The following NSUN5 variants were observed in gnomAD, a reference collection of about 807,000 sequenced individuals.
The protein encoded by NSUN5 is 28S rRNA (cytosine-C(5))-methyltransferase.
NSUN5 carries 39 observed loss-of-function variants against 51.1 expected under a neutral mutation model. That is an observed-to-expected ratio of 0.76 (90% CI 0.59 to 1.00). The LOEUF (loss-of-function observed/expected upper bound fraction) is 1.00. Ranked by LOEUF, NSUN5 falls within the 50% of genes least tolerant of loss-of-function variation. NSUN5 has a pLI of 0.00. For synonymous variants in NSUN5, 266 were observed against 271.5 expected (o/e 0.98, Z 0.20); for missense variants, 526 against 614.0 (o/e 0.86, Z 1.51).
Position 73,303,204 on chromosome 7 carries a change from A to G in NSUN5, c.*211T>C, listed in dbSNP as rs1803871234. Reference sequence around the variant, plus strand: ...AGATTTTTCTCCTGCTTGTGACATTAAGAATAAAAAACTGTGATCTATCGT... The same window carrying G: ...AGATTTTTCTCCTGCTTGTGACATTGAGAATAAAAAACTGTGATCTATCGT... On this transcript the variant is annotated 3_prime_UTR_variant, in exon 10 of 10. Transcript: ENST00000438747. The G allele has an allele frequency of 6.7e-7, 1 of 1,485,262 alleles. No homozygotes were observed. Among genetic ancestry groups the G allele is most frequent in the Non-Finnish European group, 8.9e-7 (1 of 1,117,864 alleles). The allele number at this position is 1,485,262 out of a possible 1,614,324, so 92.0% of individuals were successfully genotyped here.
rs1554542037 is a variant in NSUN5 at position 73,307,575 on chromosome 7, C to T, written c.391+8G>A. 3 of 1,337,014 alleles carry T rather than the reference C, an allele frequency of 2.2e-6. No homozygotes were observed. Among genetic ancestry groups the T allele is most frequent in the South Asian group, 1.2e-5 (1 of 86,650 alleles). The allele number at this position is 1,337,014 out of a possible 1,614,324, so 82.8% of individuals were successfully genotyped here. On this transcript the variant is annotated splice_region_variant and intron_variant, in intron 3 of 9. Transcript: ENST00000438747. ...GCCTCCCCCACCCCCCAACTCCTTC[C>T]AGCTTACCTGGACCAGGCCTGGATC...
Position 73,303,837 on chromosome 7 carries a change from C to G in NSUN5, c.1134G>C (p.Pro378=). ...DVVRDALQQN[P]GAFRLAPALP... ...CGCCCGCCCTGTACCTGAAGGCGCC[C>G]GGGTTCTGCTGCAGCGCATCTCGCA... is the stretch of plus-strand genomic sequence containing the variant. Residue 378 remains proline, a synonymous_variant, in exon 8 of 10, where the codon CCG becomes CCC. Transcript: ENST00000438747. 1 of 1,613,818 alleles carries G rather than the reference C, an allele frequency of 6.2e-7. No homozygotes were observed. Among genetic ancestry groups the G allele is most frequent in the Non-Finnish European group, 8.5e-7 (1 of 1,179,876 alleles).
chr7:73,307,450 A>C lies in NSUN5; in HGVS notation c.444T>G (p.Asp148Glu). ...VRVNTLKTCSDDVVDYFKRQG... is the reference protein window; with the variant it reads ...VRVNTLKTCSEDVVDYFKRQG... The stretch of plus-strand genomic sequence containing the variant: ...GTCTCTTGAAATAATCAACTACATC[A>C]TCGGAGCAGGTCTTGAGAGTGTTCA... The change falls in exon 4 of 10, where the codon GAT (aspartate) becomes GAG (glutamate). Residue 148 changes from aspartate to glutamate, a missense_variant. Coordinates refer to ENST00000438747, the MANE Select transcript of NSUN5 (RefSeq NM_148956.4). 6.2e-7 allele frequency: 1 copy of C among 1,614,158 alleles called. No individual in the cohort carries two copies. Among genetic ancestry groups the C allele is most frequent in the Non-Finnish European group, 8.5e-7 (1 of 1,180,024 alleles).
Position 73,303,758 on chromosome 7 carries a change from C to T in NSUN5, c.1146-18G>A, listed in dbSNP as rs371339599. 6.8e-6 allele frequency: 11 copies of T among 1,613,820 alleles called. No individual in the cohort carries two copies. The African/African-American group carries it at 1.5e-4, about 22-fold the overall frequency. On this transcript the variant is annotated intron_variant, in intron 8 of 9. Coordinates refer to ENST00000438747, the MANE Select transcript of NSUN5 (RefSeq NM_148956.4). ...GAGCTAGCCTGCAAGAGAAACGGCC[C>T]CAATGCTGGGTAAGAGAGCAGCTCA...
At chr7:73,306,445 G>C (rs529600630) in intron 4 of NSUN5, among the ~76,000 whole-genome samples, 1 of 148,138 alleles carries the variant, frequency 6.8e-6, no homozygotes, top group Admixed American at 6.8e-5. Context: ...CATCAGATCT[G>C]GCTTTAGAGC....
At position 73,303,531 on chromosome 7, in the gene NSUN5, T is replaced by A; in HGVS notation, c.1287-2A>T. ...GATGCTTTGGCCTGTGAGGCTGAGC[T>A]AGAGAAGTGTAGATGTTAGATGTGC... is the stretch of plus-strand genomic sequence containing the variant. On this transcript the variant is annotated splice_acceptor_variant, in intron 9 of 9. Transcript: ENST00000438747. LOFTEE classifies it high-confidence loss of function. 6.2e-7 allele frequency: 1 copy of A among 1,614,162 alleles called. No homozygotes were observed. The highest frequency in any genetic ancestry group is 2.2e-5 in the East Asian group (1 of 44,860).
chr7:73,305,165 T>C, intron 4 of NSUN5, 68 bp from the exon 5 acceptor site: 3 of 1,566,246 alleles, frequency 1.9e-6, no homozygotes, highest in Admixed American at 1.8e-5. Flanking sequence ...CAACGGTCCA[T>C]TCATGCAACA....
At position 73,303,122 on chromosome 7, in the gene NSUN5, T is replaced by A; in HGVS notation, c.*293A>T. Reference sequence around the variant, plus strand: ...GGCAGCGGGAGGCTGGGACTTTCCATTACAAATAGAGACTTCATTCCTGTT... The same window carrying A: ...GGCAGCGGGAGGCTGGGACTTTCCAATACAAATAGAGACTTCATTCCTGTT... On this transcript the variant is annotated 3_prime_UTR_variant, in exon 10 of 10. Transcript: ENST00000438747. 7.0e-7 allele frequency: 1 copy of A among 1,431,714 alleles called. No individual in the cohort carries two copies. Among genetic ancestry groups the A allele is most frequent in the South Asian group, 1.5e-5 (1 of 65,986 alleles). 88.7% of individuals were successfully genotyped at this position (1,431,714 alleles called of 1,614,324 possible).
In NSUN5 at chr7:73,303,264, A is replaced by G. The variant is rs1228894398; in HGVS notation, c.*151T>C. The G allele has an allele frequency of 1.2e-5, 19 of 1,605,192 alleles. No individual in the cohort carries two copies. Among genetic ancestry groups the G allele is most frequent in the African/African-American group, 2.7e-5 (2 of 74,540 alleles). On this transcript the variant is annotated 3_prime_UTR_variant, in exon 10 of 10. Transcript: ENST00000438747. Reference sequence around the variant, plus strand: ...TCTGCATTTTATTTTTGCAGGCAACACTTTGCTCACCAGCAAGAACACAGC... The same window carrying G: ...TCTGCATTTTATTTTTGCAGGCAACGCTTTGCTCACCAGCAAGAACACAGC...
intron 8 of NSUN5, 38 bp downstream of exon 8, chr7:73,303,788 G>A (rs4030985): frequency 4.1e-5 from 66 of 1,613,550 alleles, no homozygotes; most frequent in African/African-American, 3.3e-4. Context: ...AGCTCACCCC[G>A]TCCCCCACTC....
chr7:73,308,785 C>T lies in NSUN5; in HGVS notation c.6G>A (p.Gly2=). ...ACACGCCTGCAGCTGCAGCATACAG[C>T]CCCATGTTCCCGCGCGCCTTTACGG... M[G]LYAAAAGVLA... is the part of the protein sequence containing the mutation. The change falls in exon 1 of 10, where the codon GGG becomes GGA. Residue 2 remains glycine, a synonymous_variant. Transcript: ENST00000438747. The T allele has an allele frequency of 1.9e-6, 3 of 1,612,890 alleles. No homozygotes were observed. The highest frequency in any genetic ancestry group is 2.5e-6 in the Non-Finnish European group (3 of 1,179,580).
At chr7:73,306,183 G>A (rs1433852489) in intron 4 of NSUN5, among the ~76,000 whole-genome samples, 20 of 150,268 alleles carry the variant, frequency 1.3e-4, no homozygotes, top group Admixed American at 9.9e-4. Context: ...CAGGAGCCTC[G>A]AGACCAGCCT....
Position 73,304,347 on chromosome 7 carries a change from G to A in NSUN5, c.817C>T (p.Arg273Trp), listed in dbSNP as rs782325636. 45 of 1,613,932 alleles carry A rather than the reference G, an allele frequency of 2.8e-5. No individual in the cohort carries two copies. Among genetic ancestry groups the A allele is most frequent in the African/African-American group, 1.1e-4 (8 of 74,908 alleles). Residue 273 changes from arginine to tryptophan, a missense_variant, in exon 7 of 10, where the codon CGG (arginine) becomes TGG (tryptophan). Coordinates refer to ENST00000438747, the MANE Select transcript of NSUN5 (RefSeq NM_148956.4). Reference sequence around the variant, plus strand: ...AGTTCACAGCAAGAGACGCCAGCCCGGGCCAGCAGCGTGGCCATGGATGCC... The same window carrying A: ...AGTTCACAGCAAGAGACGCCAGCCCAGGCCAGCAGCGTGGCCATGGATGCC... ...RLASMATLLA[R>W]AGVSCCELAE...
In NSUN5 at chr7:73,305,191, A is replaced by G. The variant is rs191267753; in HGVS notation, c.501-94T>C. On this transcript the variant is annotated intron_variant, in intron 4 of 9. Transcript: ENST00000438747. ...TCATGCAACAAATGTTACCACAGCT[A>G]TGGAGAAATCAACAGGGTGATAAGC... 3 of 1,485,904 alleles carry G rather than the reference A, an allele frequency of 2.0e-6. No homozygotes were observed. The East Asian group carries it at 7.3e-5, about 36-fold the overall frequency. The allele number at this position is 1,485,904 out of a possible 1,614,324, so 92.0% of individuals were successfully genotyped here.
At position 73,308,780 on chromosome 7, in the gene NSUN5, T is replaced by G; in HGVS notation, c.11A>C (p.Tyr4Ser). The change falls in exon 1 of 10, where the codon TAT becomes TCT. Residue 4 changes from tyrosine (Y) to serine (S), a missense_variant. Transcript: ENST00000438747. Reference sequence around the variant, plus strand: ...GGCCAACACGCCTGCAGCTGCAGCATACAGCCCCATGTTCCCGCGCGCCTT... The same window carrying G: ...GGCCAACACGCCTGCAGCTGCAGCAGACAGCCCCATGTTCCCGCGCGCCTT... MGLYAAAAGVLAGV... is the reference protein window; with the variant it reads MGLSAAAAGVLAGV... 1 of 1,613,108 alleles carries G rather than the reference T, an allele frequency of 6.2e-7. No homozygotes were observed. The highest frequency in any genetic ancestry group is 8.5e-7 in the Non-Finnish European group (1 of 1,179,784).
intron 8 of NSUN5, 36 bp downstream of exon 8, chr7:73,303,790 C>A: frequency 6.2e-7 from 1 of 1,613,728 alleles, no homozygotes; most frequent in Non-Finnish European, 8.5e-7. Flanking sequence ...CTCACCCCGT[C>A]CCCCACTCCC....
In NSUN5 at chr7:73,304,987, C is replaced by T. The variant is rs563841683; in HGVS notation, c.611G>A (p.Arg204Gln). Residue 204 changes from arginine to glutamine, a missense_variant, in exon 5 of 10, where the codon CGG (arginine) becomes CAG (glutamine). Transcript: ENST00000438747. ...QTDLHEHPLY[R>Q]AGHLILQDRA... ...GTCCTGCAGAATGAGGTGTCCGGCC[C>T]GGTACAGTGGGTGTTCATGCAGATC... 57 of 1,611,846 alleles carry T rather than the reference C, an allele frequency of 3.5e-5. No homozygotes were observed. The highest frequency in any genetic ancestry group is 1.8e-4 in the Middle Eastern group (1 of 5,642).
rs1803862335 is a variant in NSUN5, at chr7:73,302,964, CTG to C, written c.*449_*450del. On this transcript the variant is annotated 3_prime_UTR_variant, in exon 10 of 10. Coordinates refer to ENST00000438747, the MANE Select transcript of NSUN5 (RefSeq NM_148956.4). ...CTGGGCCTAGCAATCAAGCTTCTAC[CTG>C]TACCTTATGTAAGGTAGACCCTCCT... The C allele has an allele frequency of 8.8e-7, 1 of 1,139,124 alleles. No individual in the cohort carries two copies. The highest frequency in any genetic ancestry group is 1.1e-6 in the Non-Finnish European group (1 of 920,924). 70.6% of individuals were successfully genotyped at this position (1,139,124 alleles called of 1,614,324 possible). A position where few individuals can be genotyped will look rare whatever the true frequency, so the allele number is the denominator to read the frequency against.
rs782352086 is a variant in NSUN5, at chr7:73,308,514, G to T, written c.133C>A (p.Arg45Ser). The change falls in exon 2 of 10, where the codon CGC (arginine) becomes AGC (serine). Residue 45 changes from arginine to serine, a missense_variant. Arg to Ser is a moderately radical substitution (Grantham distance 110, BLOSUM62 -1). Transcript: ENST00000438747. The part of the protein sequence containing the change: ...QLYALVCETQ[R>S]YSAVLDAVIA... Reference sequence around the variant, plus strand: ...ACAGCATCCAGCACGGCGGAGTAGCGCTGCGTTTCGCACACCAGCGCGTAC... The same window carrying T: ...ACAGCATCCAGCACGGCGGAGTAGCTCTGCGTTTCGCACACCAGCGCGTAC... The T allele has an allele frequency of 6.2e-7, 1 of 1,604,196 alleles. No homozygotes were observed. The highest frequency in any genetic ancestry group is 8.5e-7 in the Non-Finnish European group (1 of 1,173,414).
Sources: gnomAD v4.1 joint callset for allele counts (sites outside exome capture counted in the v4.1 genomes callset) on GRCh38, gnomAD v4.1.1 for gene constraint, MANE v1.5 for transcripts, NCBI Gene and HGNC (gene_info 2026-07-23, HGNC 2026-07-21) for gene names.